Variants in DSG1 observed in about 807,000 individuals in gnomAD.
DSG1 encodes the protein desmoglein 1, also known as desmoglein-1.
DSG1 carries 39 observed loss-of-function variants against 97.5 expected under a neutral mutation model. The ratio of observed to expected loss-of-function variants is 0.40; its 90% CI spans 0.31 to 0.52. The LOEUF (loss-of-function observed/expected upper bound fraction) is 0.52. Ranked by LOEUF, DSG1 falls within the 20% of genes least tolerant of loss-of-function variation. The probability of loss-of-function intolerance (pLI) is 0.53; values close to 1 mark genes in which losing one functional copy is unlikely to be tolerated. For missense variants in DSG1, 1,311 were observed against 1,295.4 expected, an observed-to-expected ratio of 1.01 and a Z score of -0.18; for synonymous variants, 475 against 443.4, an observed-to-expected ratio of 1.07 and a Z score of -0.90.
chr18:31,336,654 A>G (rs2071756273), intron 9 of DSG1, 41 bp downstream of exon 9: 2 of 1,593,758 alleles, frequency 1.3e-6, no homozygotes, highest in Non-Finnish European at 1.7e-6. Context: ...TACATATTGA[A>G]CTTAAGTACA....
intron 14 of DSG1, chr18:31,347,731 T>C (rs1598712295): frequency 6.6e-6 from 1 of 152,320 alleles, no homozygotes. Flanking sequence ...TTTAATTTTG[T>C]AGAACAGACC....
chr18:31,339,886 T>C lies in DSG1; in HGVS notation c.1548T>C (p.Asp516=). The change falls in exon 11 of 15, where the codon GAT becomes GAC. Residue 516 remains aspartate, a synonymous_variant. Coordinates refer to ENST00000257192, the MANE Select transcript of DSG1 (RefSeq NM_001942.4). ...RQESTSSTNY[D]TSTTSTDSSQ... The stretch of plus-strand genomic sequence containing the variant: ...AAAGTACTTCTTCCACTAACTATGA[T>C]ACCAGCACAACTTCTACTGACTCTA... 6.2e-7 allele frequency: 1 copy of C among 1,614,116 alleles called. No individual in the cohort carries two copies. The highest frequency in any genetic ancestry group is 1.1e-5 in the South Asian group (1 of 91,086).
At position 31,355,302 on chromosome 18, in the gene DSG1, C is replaced by G; in HGVS notation, c.3106C>G (p.Arg1036Gly). The change falls in exon 15 of 15, where the codon CGA becomes GGA. Residue 1036 changes from arginine (R) to glycine (G), a missense_variant. By Grantham distance (125) the Arg-to-Gly change is moderately radical (BLOSUM62 -2). This residue lies in a region of DSG1 where 1,038 missense variants were observed against 964.6 expected (regional missense o/e 1.08). Transcript: ENST00000257192. ...TGGGTCCGCCTCCCCTAGCACAGCT[C>G]GAAGTCGAATCACAAAGTATAGTAC... Reference protein sequence around the residue: ...TIGSASPSTARSRITKYSTVQ... With the variant: ...TIGSASPSTAGSRITKYSTVQ... 1 of 1,614,166 alleles carries G rather than the reference C, an allele frequency of 6.2e-7. No individual in the cohort carries two copies. Among genetic ancestry groups the G allele is most frequent in the Non-Finnish European group, 8.5e-7 (1 of 1,180,028 alleles).
At position 31,355,275 on chromosome 18, in the gene DSG1, A is replaced by C. The variant is rs766971978; in HGVS notation, c.3079A>C (p.Ile1027Leu). 2 of 1,613,610 alleles carry C rather than the reference A, an allele frequency of 1.2e-6. No individual in the cohort carries two copies. The highest frequency in any genetic ancestry group is 3.3e-5 in the Admixed American group (2 of 59,982). Residue 1027 changes from isoleucine (I) to leucine (L), a missense_variant, in exon 15 of 15, where the codon ATT becomes CTT. By Grantham distance (5) the Ile-to-Leu change is conservative. Coordinates refer to ENST00000257192, the MANE Select transcript of DSG1 (RefSeq NM_001942.4). ...CTCTGACCATCACTTTAACCAAACCATTGGGTCCGCCTCCCCTAGCACAGC... is the reference window on the plus strand; with the variant it reads ...CTCTGACCATCACTTTAACCAAACCCTTGGGTCCGCCTCCCCTAGCACAGC... Reference protein sequence around the residue: ...SSSDHHFNQTIGSASPSTARS... With the variant: ...SSSDHHFNQTLGSASPSTARS...
intron 1 of DSG1, among the ~76,000 whole-genome samples, chr18:31,324,420 A>G (rs2071673578): frequency 6.6e-6 from 1 of 151,938 alleles, no homozygotes; most frequent in South Asian, 2.1e-4. Context: ...TCAAATTCTC[A>G]CGATTTCAAC....
intron 5 of DSG1, among the ~76,000 whole-genome samples, chr18:31,331,274 G>T (rs1292134604): frequency 5.3e-5 from 8 of 152,054 alleles, no homozygotes; most frequent in African/African-American, 1.9e-4. Context: ...CATGAATTCA[G>T]TAAGGATGGC....
chr18:31,342,419 T>C (rs2071795826), intron 11 of DSG1, among the ~76,000 whole-genome samples: 1 of 152,128 alleles, frequency 6.6e-6, no homozygotes, highest in African/African-American at 2.4e-5. Flanking sequence ...CTCTCCCTTA[T>C]GTCTATCCTT....
At chr18:31,343,729 C>A in intron 12 of DSG1, 146 bp downstream of exon 12, 1 of 1,303,382 alleles carries the variant, frequency 7.7e-7, no homozygotes, top group South Asian at 1.2e-5. Context: ...GAATCAGAAA[C>A]ACAACAAAAT....
intron 10 of DSG1, among the ~76,000 whole-genome samples, chr18:31,339,184 G>A (rs1276740357): frequency 6.6e-6 from 1 of 152,044 alleles, no homozygotes; most frequent in Non-Finnish European, 1.5e-5. Context: ...ATAGGCAACA[G>A]GGTAAGTAAA....
At chr18:31,343,325 T>C (rs2071802545) in intron 11 of DSG1, 125 bp from the exon 12 acceptor site, 1 of 1,395,746 alleles carries the variant, frequency 7.2e-7, no homozygotes, top group Non-Finnish European at 1.0e-6. Context: ...ATTCTGAAAC[T>C]TTCATAATTT....
Position 31,354,423 on chromosome 18 carries a change from C to T in DSG1, c.2227C>T (p.Leu743=), listed in dbSNP as rs1265589467. 1 of 1,614,180 alleles carries T rather than the reference C, an allele frequency of 6.2e-7. No homozygotes were observed. Residue 743 remains leucine (L), a synonymous_variant, in exon 15 of 15, where the codon CTG becomes TTG. Transcript: ENST00000257192. The part of the protein sequence containing the change: ...VGCCSFIGED[L]DDSFLDTLGP... ...TTGTTGTAGCTTCATTGGAGAAGACCTGGATGACAGCTTCTTGGATACCCT... is the reference window on the plus strand; with the variant it reads ...TTGTTGTAGCTTCATTGGAGAAGACTTGGATGACAGCTTCTTGGATACCCT...
intron 1 of DSG1, among the ~76,000 whole-genome samples, chr18:31,318,768 A>G (rs766249739): frequency 9.2e-5 from 14 of 151,630 alleles, no homozygotes; most frequent in Non-Finnish European, 1.6e-4. Flanking sequence ...AATTACTCTA[A>G]TTTTTAAAAC....
rs543509156 is a variant in DSG1, at chr18:31,336,558, G to A, written c.1210G>A (p.Val404Met). The A allele has an allele frequency of 6.2e-7, 1 of 1,614,068 alleles. No individual in the cohort carries two copies. The highest frequency in any genetic ancestry group is 1.1e-5 in the South Asian group (1 of 91,084). Residue 404 changes from valine to methionine, a missense_variant, in exon 9 of 15, where the codon GTG becomes ATG. Transcript: ENST00000257192. ...VTGNMGSNDK[V>M]GDFVATDLDT... ...TGGTAATATGGGATCAAATGATAAAGTGGGAGACTTTGTAGCTACTGACCT... is the reference window on the plus strand; with the variant it reads ...TGGTAATATGGGATCAAATGATAAAATGGGAGACTTTGTAGCTACTGACCT...
intron 10 of DSG1, among the ~76,000 whole-genome samples, chr18:31,338,803 AAAC>A (rs2071771020): frequency 6.6e-6 from 1 of 152,206 alleles, no homozygotes; most frequent in South Asian, 2.1e-4. Flanking sequence ...AACAAAAACA[AAAC>A]AACAGGATTA....
chr18:31,326,697 T>C, intron 2 of DSG1, 81 bp downstream of exon 2: 1 of 1,394,296 alleles, frequency 7.2e-7, no homozygotes, highest in Non-Finnish European at 1.0e-6. Flanking sequence ...CTGAAGAAAA[T>C]GTATTCTCAT....
intron 11 of DSG1, among the ~76,000 whole-genome samples, chr18:31,342,168 G>A (rs1157061274): frequency 2.0e-5 from 3 of 152,070 alleles, no homozygotes; most frequent in East Asian, 1.9e-4. Flanking sequence ...TCCTGACCTC[G>A]TGATCCACCC....
rs374988884 is a variant in DSG1 at position 31,354,733 on chromosome 18, C to G, written c.2537C>G (p.Thr846Ser). 9.9e-6 allele frequency: 16 copies of G among 1,614,066 alleles called. No individual in the cohort carries two copies. The African/African-American group carries it at 2.1e-4, about 22-fold the overall frequency. ...TVTESYTTSD[T>S]LKPSVHVHDN... ...ACCGAGTCTTACACCACCTCTGACA[C>G]TCTGAAGCCCTCTGTGCACGTTCAC... The change falls in exon 15 of 15, where the codon ACT (threonine) becomes AGT (serine). Residue 846 changes from threonine to serine, a missense_variant. By Grantham distance (58) the Thr-to-Ser change is moderately conservative. This residue lies in a region of DSG1 where 1,038 missense variants were observed against 964.6 expected (regional missense o/e 1.08). Transcript: ENST00000257192.
chr18:31,322,156 C>T (rs2912330), intron 1 of DSG1, among the ~76,000 whole-genome samples: 6,988 of 152,248 alleles, frequency 0.046, 250 homozygotes, highest in African/African-American at 0.1. Flanking sequence ...TTAATGGTTG[C>T]CTGTTGCTCT....
At chr18:31,321,419 T>C (rs1267089889) in intron 1 of DSG1, among the ~76,000 whole-genome samples, 1 of 152,150 alleles carries the variant, frequency 6.6e-6, no homozygotes, top group Non-Finnish European at 1.5e-5. Flanking sequence ...ATATGTAGTA[T>C]AGAGATCAGT....
Sources: gnomAD v4.1 joint callset for allele counts (sites outside exome capture counted in the v4.1 genomes callset) on GRCh38, gnomAD v4.1.1 for gene constraint, gnomAD v4.1.1 regional missense constraint, MANE v1.5 for transcripts, NCBI Gene and HGNC (gene_info 2026-07-23, HGNC 2026-07-21) for gene names.